The following SLC22A4 variants were observed in gnomAD, a reference collection of about 807,000 sequenced individuals.
SLC22A4 encodes ET transporter.
A neutral mutation model predicts 56.6 loss-of-function variants in SLC22A4; 39 were observed. The ratio of observed to expected loss-of-function variants is 0.69; its 90% CI spans 0.53 to 0.90. The LOEUF (loss-of-function observed/expected upper bound fraction) is 0.90. Among genes scored for constraint, SLC22A4 ranks in the 40% least tolerant of loss-of-function variants. The pLI, the probability that SLC22A4 is intolerant of heterozygous loss-of-function variation, is 0.00. For missense variants in SLC22A4, 594 were observed against 696.5 expected, an observed-to-expected ratio of 0.85 and a Z score of 1.66; for synonymous variants, 241 against 281.4, an observed-to-expected ratio of 0.86 and a Z score of 1.44.
intron 3 of SLC22A4, among the ~76,000 whole-genome samples, chr5:132,316,380 C>T (rs911004662): frequency 6.6e-6 from 1 of 152,178 alleles, no homozygotes; most frequent in African/African-American, 2.4e-5. Context: ...GAAATGACCA[C>T]TCGGGACCAA....
intron 8 of SLC22A4, among the ~76,000 whole-genome samples, chr5:132,338,367 T>TCACAGGAC (rs1751088787): frequency 6.6e-6 from 1 of 152,136 alleles, no homozygotes; most frequent in Non-Finnish European, 1.5e-5. Context: ...CAGGGTGAGA[T>TCACAGGAC]CACAGGACCA....
At chr5:132,336,211 G>C (rs114722335) in intron 8 of SLC22A4, among the ~76,000 whole-genome samples, 1 of 152,024 alleles carries the variant, frequency 6.6e-6, no homozygotes, top group African/African-American at 2.4e-5. Flanking sequence ...ATGTACACAG[G>C]TATGTATATA....
chr5:132,335,970 A>C lies in SLC22A4; in HGVS notation c.1414A>C (p.Ser472Arg). 2.5e-6 allele frequency: 4 copies of C among 1,614,196 alleles called. No individual in the cohort carries two copies. The highest frequency in any genetic ancestry group is 3.4e-6 in the Non-Finnish European group (4 of 1,180,036). Residue 472 changes from serine to arginine, a missense_variant, in exon 8 of 10, where the codon AGC becomes CGC. Coordinates refer to ENST00000200652, the MANE Select transcript of SLC22A4 (RefSeq NM_003059.3). ...CACATCCACGGCCTCCAGAGTGGGC[A>C]GCATCATTGCCCCCTACTTTGTTTA... ...GVTSTASRVG[S>R]IIAPYFVYLG...
At chr5:132,328,830 TATATATATACACACACACAC>T (rs1407815974) in intron 5 of SLC22A4, among the ~76,000 whole-genome samples, 4 of 24,734 alleles carry the variant, frequency 1.6e-4, no homozygotes, top group East Asian at 9.0e-4. Context: ...CCTTTATATA[TATATATATACACACACACAC>T]ACACACACAC....
intron 1 of SLC22A4, among the ~76,000 whole-genome samples, chr5:132,304,088 G>C (rs1445933229): frequency 6.6e-6 from 1 of 152,180 alleles, no homozygotes; most frequent in Non-Finnish European, 1.5e-5. Flanking sequence ...GGAAAAAACA[G>C]AAAACAAACA....
intron 7 of SLC22A4, among the ~76,000 whole-genome samples, chr5:132,335,484 G>A (rs1001135821): frequency 1.4e-4 from 22 of 152,242 alleles, no homozygotes; most frequent in African/African-American, 5.3e-4. Context: ...GAAAGGATTG[G>A]TCCTCCTCTT....
At chr5:132,335,656 C>T (rs1224389649) in intron 7 of SLC22A4, among the ~76,000 whole-genome samples, 162 bp from the exon 8 acceptor site, 1 of 152,184 alleles carries the variant, frequency 6.6e-6, no homozygotes, top group Non-Finnish European at 1.5e-5. Context: ...CATCTTTGTC[C>T]ATGCCCAAAT....
chr5:132,320,142 C>T (rs984440010), intron 3 of SLC22A4, among the ~76,000 whole-genome samples: 17 of 152,334 alleles, frequency 1.1e-4, no homozygotes, highest in African/African-American at 3.6e-4. Flanking sequence ...CTGTCCCCAA[C>T]ATGCACTCTG....
At position 132,335,987 on chromosome 5, in the gene SLC22A4, CTT is replaced by C; in HGVS notation, c.1433_1434del (p.Phe478CysfsTer17). ...GAGTGGGCAGCATCATTGCCCCCTA[CTT>C]TGTTTACCTCGGTGAGCTGCATCTT... ...SRVGSIIAPY[F>X]VYLGAYNRML... On this transcript the variant is annotated frameshift_variant, in exon 8 of 10. Coordinates refer to ENST00000200652, the MANE Select transcript of SLC22A4 (RefSeq NM_003059.3). LOFTEE classifies it high-confidence loss of function. 6.2e-7 allele frequency: 1 copy of C among 1,613,902 alleles called. No homozygotes were observed. Among genetic ancestry groups the C allele is most frequent in the Non-Finnish European group, 8.5e-7 (1 of 1,179,766 alleles).
intron 1 of SLC22A4, among the ~76,000 whole-genome samples, chr5:132,296,679 C>T (rs1354687669): frequency 2.6e-5 from 4 of 152,258 alleles, no homozygotes; most frequent in Non-Finnish European, 4.4e-5. Context: ...TCCCTGCCCA[C>T]AGCATGGCCT....
In SLC22A4 at chr5:132,313,756, GC is replaced by G; in HGVS notation, c.642del (p.Phe215SerfsTer3). ...GGGCCAGATCTCCAACTATGTGGTA[GC>G]CTTCATACTAGGTAGGAATGGCTTC... is the stretch of plus-strand genomic sequence containing the variant. ...GMGQISNYVVAFILGTEILGK... is the reference protein window; with the variant it reads ...GMGQISNYVVXFILGTEILGK... On this transcript the variant is annotated frameshift_variant, in exon 3 of 10. Coordinates refer to ENST00000200652, the MANE Select transcript of SLC22A4 (RefSeq NM_003059.3). LOFTEE classifies it high-confidence loss of function. 6.2e-7 allele frequency: 1 copy of G among 1,614,214 alleles called. No individual in the cohort carries two copies. The highest frequency in any genetic ancestry group is 8.5e-7 in the Non-Finnish European group (1 of 1,180,022).
Position 132,301,525 on chromosome 5 carries a change from G to A in SLC22A4, c.393+6516G>A, listed in dbSNP as rs3792875. On this transcript the variant is annotated intron_variant, in intron 1 of 9. Coordinates refer to ENST00000200652, the MANE Select transcript of SLC22A4 (RefSeq NM_003059.3). Reference sequence around the variant, plus strand: ...CTGGACCTCTGGTGGCACTAGCCTTGTGCTTTCCTGGGAACTGGGGTCAGG... The same window carrying A: ...CTGGACCTCTGGTGGCACTAGCCTTATGCTTTCCTGGGAACTGGGGTCAGG... Among the ~76,000 whole-genome samples, 1,317 of 152,322 alleles carry A rather than the reference G, an allele frequency of 8.6e-3. 6 individuals are homozygous for A. Among genetic ancestry groups the A allele is most frequent in the African/African-American group, 0.013 (523 of 41,570 alleles).
In SLC22A4 at chr5:132,343,760, G is replaced by A. The variant is rs1393816655; in HGVS notation, c.1581G>A (p.Trp527Ter). 1.3e-6 allele frequency: 2 copies of A among 1,589,256 alleles called. No individual in the cohort carries two copies. The highest frequency in any genetic ancestry group is 1.3e-5 in the African/African-American group (1 of 74,404). Residue 527 changes from tryptophan (W) to a stop codon, truncating the protein, a stop_gained and splice_region_variant, in exon 10 of 10, where the codon TGG becomes TGA. Transcript: ENST00000200652. LOFTEE classifies it high-confidence loss of function. Reference protein sequence around the residue: ...ETLEQMQKVKWFRSGKKTRDS... With the variant: ...ETLEQMQKVK ...TCCTTAGCATCTATTTTATTTTCAGGTTCAGATCTGGGAAAAAAACAAGAG... is the reference window on the plus strand; with the variant it reads ...TCCTTAGCATCTATTTTATTTTCAGATTCAGATCTGGGAAAAAAACAAGAG...
intron 6 of SLC22A4, 150 bp downstream of exon 6, chr5:132,332,000 T>A: frequency 1.5e-6 from 1 of 686,064 alleles, no homozygotes; most frequent in Non-Finnish European, 2.6e-6. Context: ...AATGCCTCTA[T>A]TCAGTTCATG....
At chr5:132,343,720 T>C in intron 9 of SLC22A4, 40 bp from the exon 10 acceptor site, 1 of 1,275,086 alleles carries the variant, frequency 7.8e-7, no homozygotes, top group Non-Finnish European at 1.1e-6. Flanking sequence ...GAGGAAAGTC[T>C]TGAATATTTA....
intron 7 of SLC22A4, 111 bp downstream of exon 7, chr5:132,335,043 A>G (rs748560506): frequency 1.1e-5 from 9 of 799,220 alleles, no homozygotes; most frequent in Non-Finnish European, 1.5e-5. Context: ...TAAGCCATTC[A>G]TAAGTCAATT....
At chr5:132,340,480 G>A (rs1751179649) in intron 8 of SLC22A4, 85 bp from the exon 9 acceptor site, 1 of 1,275,480 alleles carries the variant, frequency 7.8e-7, no homozygotes, top group Non-Finnish European at 1.1e-6. Flanking sequence ...CTCTTATACT[G>A]TTCACCAACT....
rs141478353 is a variant in SLC22A4, at chr5:132,312,233, G to C, written c.466G>C (p.Gly156Arg). The change falls in exon 2 of 10, where the codon GGC becomes CGC. Residue 156 changes from glycine (G) to arginine (R), a missense_variant. Coordinates refer to ENST00000200652, the MANE Select transcript of SLC22A4 (RefSeq NM_003059.3). ...CCTGTTCTTCGTAGGCGTGCTCCTC[G>C]GCTCCTTCGTGTCCGGGCAGCTGTC... ...TSLFFVGVLL[G>R]SFVSGQLSDR... The C allele has an allele frequency of 1.9e-6, 3 of 1,613,646 alleles. No individual in the cohort carries two copies. The highest frequency in any genetic ancestry group is 2.5e-6 in the Non-Finnish European group (3 of 1,179,554).
intron 8 of SLC22A4, among the ~76,000 whole-genome samples, chr5:132,336,289 C>A (rs1751024748): frequency 6.6e-6 from 1 of 152,102 alleles, no homozygotes; most frequent in Non-Finnish European, 1.5e-5. Flanking sequence ...TTTGGGAGGC[C>A]AAGGTAGGTG....
Sources: allele counts gnomAD v4.1 joint callset (sites outside exome capture counted in the v4.1 genomes callset), GRCh38; gene constraint gnomAD v4.1.1; transcripts MANE v1.5; gene names NCBI Gene and HGNC (gene_info 2026-07-23, HGNC 2026-07-21).